Variants in DPEP1 observed in about 807,000 individuals in gnomAD.
DPEP1 encodes beta-lactamase.
A neutral mutation model predicts 42.3 loss-of-function variants in DPEP1; 50 were observed. The ratio of observed to expected loss-of-function variants is 1.18; its 90% confidence interval spans 0.94 to 1.50. The LOEUF (loss-of-function observed/expected upper bound fraction) is 1.50, where lower values mean the gene tolerates loss of function less well. DPEP1 is among the 40% of genes most tolerant of loss of function. The pLI, the probability that DPEP1 is intolerant of heterozygous loss-of-function variation, is 0.00. For missense variants in DPEP1, 663 were observed against 553.0 expected (o/e 1.20, Z -1.99); for synonymous variants, 297 against 234.0 (o/e 1.27, Z -2.46).
At chr16:89,630,170 T>G in intron 1 of DPEP1, 135 bp from the exon 2 acceptor site, 1 of 363,076 alleles carries the variant, frequency 2.8e-6, no homozygotes, top group Non-Finnish European at 5.1e-6. Flanking sequence ...CGCCCAGTCA[T>G]TGAGTGTCCG....
rs765435508 is a variant in DPEP1, at chr16:89,637,968, A to G, written c.1062A>G (p.Glu354=). The G allele has an allele frequency of 6.2e-7, 1 of 1,608,176 alleles. No individual in the cohort carries two copies. The highest frequency in any genetic ancestry group is 8.5e-7 in the Non-Finnish European group (1 of 1,177,902). Residue 354 remains glutamate, a synonymous_variant, in exon 10 of 11, where the codon GAA becomes GAG. Coordinates refer to ENST00000690203, the MANE Select transcript of DPEP1 (RefSeq NM_001389466.1). ...DNLLRVFEAV[E]QASNLTQAPE... ...TGCTGAGGGTCTTCGAGGCTGTGGA[A>G]CAGGTGAGGATGGGGTGGCCACCTG...
intron 1 of DPEP1, among the ~76,000 whole-genome samples, chr16:89,622,003 G>A (rs28742039): frequency 0.045 from 6,886 of 152,196 alleles, 505 homozygotes; most frequent in African/African-American, 0.16. Flanking sequence ...AGAGCTGGGT[G>A]GAAACACAGA....
chr16:89,630,379 A>G lies in DPEP1; in HGVS notation c.-32A>G, dbSNP rs775068799. ...CAGGCCAGCACAGAGGCACCAGGGC[A>G]GCAGTGCACACAGGTCCCCGGGGAC... On this transcript the variant is annotated 5_prime_UTR_variant, in exon 2 of 11. Coordinates refer to ENST00000690203, the MANE Select transcript of DPEP1 (RefSeq NM_001389466.1). The G allele has an allele frequency of 2.1e-5, 33 of 1,569,246 alleles. No individual in the cohort carries two copies. Among genetic ancestry groups the G allele is most frequent in the Non-Finnish European group, 2.6e-5 (30 of 1,143,526 alleles).
chr16:89,616,163 C>T (rs571929701), intron 1 of DPEP1, among the ~76,000 whole-genome samples: 1 of 125,662 alleles, frequency 8.0e-6, no homozygotes, highest in South Asian at 2.7e-4. Flanking sequence ...GCTTCGGGGG[C>T]TGGGCTGGGG....
chr16:89,632,562 C>T lies in DPEP1; in HGVS notation c.104+2048C>T, dbSNP rs79799075. Among the ~76,000 whole-genome samples the T allele has an allele frequency of 0.024, 3,715 of 152,272 alleles. 659 individuals carry two copies. The East Asian group carries it at 0.5, about 20-fold the overall frequency. On this transcript the variant is annotated intron_variant, in intron 2 of 10. Coordinates refer to ENST00000690203, the MANE Select transcript of DPEP1 (RefSeq NM_001389466.1). ...AACAGCTGCCTGAGTGTGTGCTTGC[C>T]GCTTTTCCAGCACTTTCCAGCACTC...
At chr16:89,640,847 G>A (rs919003178), downstream of DPEP1, among the ~76,000 whole-genome samples, 2 of 152,138 alleles carry the variant, frequency 1.3e-5, no homozygotes, top group African/African-American at 4.8e-5. Context: ...GGGCCCAGGG[G>A]ACCACTACCA....
chr16:89,625,838 G>A (rs759304281), intron 1 of DPEP1, among the ~76,000 whole-genome samples: 20 of 152,142 alleles, frequency 1.3e-4, no homozygotes, highest in Non-Finnish European at 2.8e-4. Flanking sequence ...CTTGACAGAC[G>A]AAGAGACTGA....
chr16:89,625,906 G>T (rs765846681), intron 1 of DPEP1, among the ~76,000 whole-genome samples: 6 of 152,124 alleles, frequency 3.9e-5, no homozygotes, highest in Non-Finnish European at 8.8e-5. Flanking sequence ...CGTGAGAGGG[G>T]AACCCACAGC....
At chr16:89,621,301 G>A (rs1193816948) in intron 1 of DPEP1, among the ~76,000 whole-genome samples, 1 of 151,866 alleles carries the variant, frequency 6.6e-6, no homozygotes, top group Non-Finnish European at 1.5e-5. Context: ...AACCGTGGGG[G>A]GCCTGGGCAG....
In DPEP1 at chr16:89,637,524, C is replaced by T. The variant is rs1416302169; in HGVS notation, c.825C>T (p.Thr275=). ...TCTACAACAATTACATTTCCTGCACCAACAAGGCCAACCTGTCCCAAGTGG... is the reference window on the plus strand; with the variant it reads ...TCTACAACAATTACATTTCCTGCACTAACAAGGCCAACCTGTCCCAAGTGG... ...VNFYNNYISC[T]NKANLSQVAD... is the part of the protein sequence containing the mutation. The change falls in exon 8 of 11, where the codon ACC becomes ACT. Residue 275 remains threonine (T), a synonymous_variant. Transcript: ENST00000690203. 1 of 1,612,662 alleles carries T rather than the reference C, an allele frequency of 6.2e-7. No homozygotes were observed. Among genetic ancestry groups the T allele is most frequent in the African/African-American group, 1.3e-5 (1 of 74,908 alleles).
chr16:89,637,523 CCAA>C lies in DPEP1; in HGVS notation c.828_830del (p.Asn276del), dbSNP rs767796089. 1 of 1,612,838 alleles carries C rather than the reference CCAA, an allele frequency of 6.2e-7. No homozygotes were observed. The highest frequency in any genetic ancestry group is 2.2e-5 in the East Asian group (1 of 44,872). On this transcript the variant is annotated inframe_deletion, in exon 8 of 11. Transcript: ENST00000690203. ...TTCTACAACAATTACATTTCCTGCA[CCAA>C]CAAGGCCAACCTGTCCCAAGTGGCC...
At chr16:89,640,083 A>G (rs2151507642), downstream of DPEP1, among the ~76,000 whole-genome samples, 1 of 152,346 alleles carries the variant, frequency 6.6e-6, no homozygotes, top group East Asian at 1.9e-4. Context: ...GACGTGGTCC[A>G]GGCGTGAGCT....
downstream of DPEP1, among the ~76,000 whole-genome samples, chr16:89,641,173 G>A (rs532992091): frequency 2.0e-5 from 3 of 152,358 alleles, no homozygotes; most frequent in African/African-American, 4.8e-5. Context: ...GAGCGTGACC[G>A]CTGAAACACA....
chr16:89,640,597 G>GGCT (rs1306363182), downstream of DPEP1: 32 of 982,370 alleles, frequency 3.3e-5, no homozygotes, highest in Admixed American at 6.1e-5. Flanking sequence ...CTCCCAGCCT[G>GGCT]GCTGCTGATC....
rs2059701695 is a variant in DPEP1 at position 89,637,692 on chromosome 16, T to C, written c.914T>C (p.Phe305Ser). 2 of 1,612,818 alleles carry C rather than the reference T, an allele frequency of 1.2e-6. No individual in the cohort carries two copies. The highest frequency in any genetic ancestry group is 1.1e-5 in the South Asian group (1 of 91,076). ...GARAVGFGGD[F>S]DGVPRVPEGL... ...AGAGCCGTGGGTTTTGGTGGGGACTTTGATGGTGTTCCAAGGTAAGGGGCT... is the reference window on the plus strand; with the variant it reads ...AGAGCCGTGGGTTTTGGTGGGGACTCTGATGGTGTTCCAAGGTAAGGGGCT... The change falls in exon 9 of 11, where the codon TTT becomes TCT. Residue 305 changes from phenylalanine (F) to serine (S), a missense_variant. Physicochemically the swap from Phe to Ser is radical, Grantham distance 155. Coordinates refer to ENST00000690203, the MANE Select transcript of DPEP1 (RefSeq NM_001389466.1).
intron 1 of DPEP1, among the ~76,000 whole-genome samples, chr16:89,615,812 C>T (rs1033541755): frequency 9.2e-5 from 14 of 152,178 alleles, no homozygotes; most frequent in African/African-American, 2.7e-4. Flanking sequence ...GGGTCCTGGC[C>T]GGCTGGTGGG....
At chr16:89,621,878 G>T (rs954542056) in intron 1 of DPEP1, among the ~76,000 whole-genome samples, 4 of 152,178 alleles carry the variant, frequency 2.6e-5, no homozygotes, top group Non-Finnish European at 4.4e-5. Context: ...TGTGGGGGGC[G>T]TGGGTAGGTC....
rs187989634 is a variant in DPEP1, at chr16:89,614,711, C to T, written c.-107+992C>T. ...TCGGGAGGCTGAAGCAGGAGAATGG[C>T]GTGAACCCGGGAGGCGGAGGTTGCG... On this transcript the variant is annotated intron_variant, in intron 1 of 10. Transcript: ENST00000690203. Among the ~76,000 whole-genome samples, 702 of 152,294 alleles carry T rather than the reference C, an allele frequency of 4.6e-3. 13 individuals are homozygous for T. The highest frequency in any genetic ancestry group is 1.9e-3 in the South Asian group (9 of 4,832).
rs186514703 is a variant in DPEP1 at position 89,624,930 on chromosome 16, G to A, written c.-106-5375G>A. 2.3e-3 allele frequency among the ~76,000 whole-genome samples: 350 copies of A among 152,294 alleles called. 3 individuals carry two copies. Among genetic ancestry groups the A allele is most frequent in the Middle Eastern group, 0.014 (4 of 294 alleles). On this transcript the variant is annotated intron_variant, in intron 1 of 10. Transcript: ENST00000690203. The stretch of plus-strand genomic sequence containing the variant: ...GCTAATCAAAGGCTGAGGTAAACTG[G>A]TGTCTGCAGATGAAAGGGTGGCCCG...
Sources: gnomAD v4.1 joint callset for allele counts (sites outside exome capture counted in the v4.1 genomes callset) on GRCh38, gnomAD v4.1.1 for gene constraint, MANE v1.5 for transcripts, NCBI Gene and HGNC (gene_info 2026-07-23, HGNC 2026-07-21) for gene names.